Variants in TANGO6 observed in about 807,000 individuals in gnomAD.
The protein encoded by TANGO6 is transport and Golgi organization protein 6 homolog.
Under a neutral mutation model 114.2 loss-of-function variants are expected in TANGO6, and 90 were observed. The ratio of observed to expected loss-of-function variants is 0.79; its 90% CI spans 0.66 to 0.94. The LOEUF is 0.94. Ranked by LOEUF, TANGO6 falls within the 40% of genes least tolerant of loss-of-function variation. The pLI is 0.00. For synonymous variants in TANGO6, 477 were observed against 509.8 expected (o/e 0.94, Z 0.87); for missense variants, 1,274 against 1,315.3 (o/e 0.97, Z 0.49).
chr16:68,998,778 T>A (rs909487978), intron 15 of TANGO6, among the ~76,000 whole-genome samples: 1 of 152,182 alleles, frequency 6.6e-6, no homozygotes, highest in Admixed American at 6.5e-5. Flanking sequence ...TTTAGTCTTA[T>A]TAAACTTGGC....
At chr16:68,867,973 T>G (rs1962206224) in intron 4 of TANGO6, 1 of 144,430 alleles carries the variant, frequency 6.9e-6, no homozygotes, top group East Asian at 2.0e-4. Flanking sequence ...AAGACTCTGT[T>G]TCTACAAAAA....
At chr16:68,916,239 G>A (rs1007153346) in intron 11 of TANGO6, among the ~76,000 whole-genome samples, 4 of 152,090 alleles carry the variant, frequency 2.6e-5, no homozygotes, top group Non-Finnish European at 5.9e-5. Flanking sequence ...GAACCAGGCC[G>A]CATAACTGGA....
In TANGO6 at chr16:68,963,619, G is replaced by A. The variant is rs576090686; in HGVS notation, c.2702-10409G>A. On this transcript the variant is annotated intron_variant, in intron 14 of 17. Transcript: ENST00000261778. The stretch of plus-strand genomic sequence containing the variant: ...ATGTGGACCTAGTGCACACACATAG[G>A]TGCACACGCATAGGTACACACATGC... Among the ~76,000 whole-genome samples the A allele has an allele frequency of 4.6e-5, 7 of 152,260 alleles. No homozygotes were observed. In the South Asian group the frequency reaches 1.4e-3, roughly 32 times the overall value.
At chr16:69,046,718 A>AT (rs1480663488) in intron 17 of TANGO6, among the ~76,000 whole-genome samples, 2 of 152,328 alleles carry the variant, frequency 1.3e-5, no homozygotes, top group Non-Finnish European at 2.9e-5. Context: ...AATAGAAATG[A>AT]TTTTAAAAGG....
intron 12 of TANGO6, among the ~76,000 whole-genome samples, chr16:68,921,607 CTTTTTTTTTTTTTT>C (rs1167059062): frequency 1.0e-4 from 6 of 57,942 alleles, no homozygotes; most frequent in Non-Finnish European, 2.0e-4. Context: ...TGAGAGTGTG[CTTTTTTTTTTTTTT>C]TTTTTTTTGG....
chr16:68,901,117 T>C (rs575803878), intron 8 of TANGO6, among the ~76,000 whole-genome samples: 5 of 152,352 alleles, frequency 3.3e-5, no homozygotes, highest in Admixed American at 6.5e-5. Flanking sequence ...GTAAGAGTTA[T>C]CTTATCTCAA....
chr16:69,055,971 G>A (rs574214301), intron 17 of TANGO6, among the ~76,000 whole-genome samples: 4 of 152,010 alleles, frequency 2.6e-5, no homozygotes, highest in South Asian at 2.1e-4. Flanking sequence ...CCCAGGAGGC[G>A]GAGGTTGCAG....
At position 69,023,864 on chromosome 16, in the gene TANGO6, C is replaced by T. The variant is rs183282455; in HGVS notation, c.2994+885C>T. ...AACCATCAAAATGATAGCCATACAA[C>T]GTGTTGGGGCCAGAAGCTTTTCTGG... is the stretch of plus-strand genomic sequence containing the variant. On this transcript the variant is annotated intron_variant, in intron 16 of 17. Coordinates refer to ENST00000261778, the MANE Select transcript of TANGO6 (RefSeq NM_024562.2). 2.4e-3 allele frequency among the ~76,000 whole-genome samples: 371 copies of T among 152,134 alleles called. 2 individuals are homozygous for T. The highest frequency in any genetic ancestry group is 8.7e-3 in the African/African-American group (362 of 41,510).
At chr16:68,963,225 G>A (rs141004891) in intron 14 of TANGO6, among the ~76,000 whole-genome samples, 8,396 of 151,588 alleles carry the variant, frequency 0.055, 315 homozygotes, top group Non-Finnish European at 0.077. Context: ...AGGTTCAAGC[G>A]ATCCTCCCAC....
At chr16:68,892,529 A>G (rs1191654527) in intron 7 of TANGO6, among the ~76,000 whole-genome samples, 2 of 120,392 alleles carry the variant, frequency 1.7e-5, no homozygotes, top group African/African-American at 3.4e-5. Context: ...TTTTTTTTTG[A>G]GACGGAGTCT....
chr16:68,981,030 C>T (rs1485557468), intron 15 of TANGO6, among the ~76,000 whole-genome samples: 1 of 151,826 alleles, frequency 6.6e-6, no homozygotes, highest in African/African-American at 2.4e-5. Context: ...TTGGTTCAGT[C>T]TCTTTTATTT....
intron 12 of TANGO6, among the ~76,000 whole-genome samples, chr16:68,921,356 G>A (rs1963090084): frequency 6.6e-6 from 1 of 151,208 alleles, no homozygotes; most frequent in African/African-American, 2.4e-5. Flanking sequence ...CTAATTTTTT[G>A]TATTTATAGT....
intron 4 of TANGO6, among the ~76,000 whole-genome samples, chr16:68,872,331 T>G (rs1293622760): frequency 6.6e-6 from 1 of 151,844 alleles, no homozygotes; most frequent in Non-Finnish European, 1.5e-5. Context: ...AGGCAGAGTC[T>G]TGCTCTGTCA....
chr16:68,939,676 C>T (rs972874513), intron 14 of TANGO6, among the ~76,000 whole-genome samples: 1 of 151,794 alleles, frequency 6.6e-6, no homozygotes, highest in Non-Finnish European at 1.5e-5. Context: ...CATACCATTC[C>T]AATTTAACTG....
chr16:68,867,028 T>C, intron 3 of TANGO6, 51 bp from the exon 4 acceptor site: 1 of 597,018 alleles, frequency 1.7e-6, no homozygotes, highest in Non-Finnish European at 2.8e-6. Context: ...CGCCCGGCCA[T>C]CATATCTATT....
At chr16:69,044,833 G>A (rs1265188127) in intron 17 of TANGO6, among the ~76,000 whole-genome samples, 4 of 152,088 alleles carry the variant, frequency 2.6e-5, no homozygotes, top group African/African-American at 2.4e-5. Flanking sequence ...CCAGGGCTAC[G>A]TAAGCAAGAC....
chr16:69,033,467 A>G (rs533148516), intron 16 of TANGO6, among the ~76,000 whole-genome samples: 28 of 152,172 alleles, frequency 1.8e-4, no homozygotes, highest in African/African-American at 6.5e-4. Context: ...GTAAATCAAC[A>G]GTGGATAGGA....
chr16:69,050,130 G>GT (rs149696544), intron 17 of TANGO6, among the ~76,000 whole-genome samples: 4,773 of 152,184 alleles, frequency 0.031, 109 homozygotes, highest in Non-Finnish European at 0.042. Flanking sequence ...GTAATTCTGT[G>GT]TTTAACTTTT....
chr16:68,973,291 T>G (rs1345981608), intron 14 of TANGO6: 1 of 379,294 alleles, frequency 2.6e-6, no homozygotes, highest in Non-Finnish European at 5.1e-6. Flanking sequence ...TTCGTCACTG[T>G]TCTTTATAGT....
Sources: gnomAD v4.1 joint callset for allele counts (sites outside exome capture counted in the v4.1 genomes callset) on GRCh38, gnomAD v4.1.1 for gene constraint, MANE v1.5 for transcripts, NCBI Gene and HGNC (gene_info 2026-07-23, HGNC 2026-07-21) for gene names.